Variants in MUC5AC observed in about 807,000 individuals in gnomAD.
MUC5AC encodes the protein mucin 5AC, oligomeric mucus/gel-forming, also known as mucin-5AC.
In MUC5AC, 158 loss-of-function variants were observed where a neutral mutation model predicts 169.7. That is an observed-to-expected ratio of 0.93 (90% CI 0.82 to 1.06). MUC5AC has a LOEUF of 1.06. Among genes scored for constraint, MUC5AC ranks in the 50% least tolerant of loss-of-function variants. The pLI is 0.00. For synonymous variants in MUC5AC, 1,975 were observed against 1,237.0 expected, an observed-to-expected ratio of 1.60 and a Z score of -12.52; for missense variants, 4,359 against 3,089.9, an observed-to-expected ratio of 1.41 and a Z score of -9.74.
At chr11:1,195,816 C>T (rs373418465) in intron 36 of MUC5AC, 60 bp from the exon 37 acceptor site, 24 of 735,190 alleles carry the variant, frequency 3.3e-5, no homozygotes, top group East Asian at 1.2e-4. Flanking sequence ...GGGAGCCTGA[C>T]GTGGAGCAGG....
In MUC5AC at chr11:1,168,522, C is replaced by T. The variant is rs765778851; in HGVS notation, c.1537C>T (p.Gln513Ter). 6.7e-7 allele frequency: 1 copy of T among 1,501,608 alleles called. No homozygotes were observed. Among genetic ancestry groups the T allele is most frequent in the Admixed American group, 1.9e-5 (1 of 51,808 alleles). The allele number at this position is 1,501,608 out of a possible 1,614,324, so 93.0% of individuals were successfully genotyped here. A position where few individuals can be genotyped will look rare whatever the true frequency, so the allele number is the denominator to read the frequency against. ...GGCCAGTGGGGAAGTGTTCCTGAACCAGATCTACACCCAGCTGCCCATCTC... is the reference window on the plus strand; with the variant it reads ...GGCCAGTGGGGAAGTGTTCCTGAACTAGATCTACACCCAGCTGCCCATCTC... ...IKASGEVFLN[Q>*]IYTQLPISAA... The change falls in exon 13 of 49, where the codon CAG becomes TAG. Residue 513 changes from glutamine to a stop codon, truncating the protein, a stop_gained. Coordinates refer to ENST00000621226, the MANE Select transcript of MUC5AC (RefSeq NM_001304359.2). LOFTEE classifies it high-confidence loss of function.
intron 15 of MUC5AC, among the ~76,000 whole-genome samples, chr11:1,170,833 T>TCATC (rs1860491499): frequency 7.2e-6 from 1 of 138,416 alleles, no homozygotes; most frequent in Non-Finnish European, 1.5e-5. Flanking sequence ...ATTCACCCAC[T>TCATC]CACTCACCCA....
Position 1,189,744 on chromosome 11 carries a change from C to G in MUC5AC, c.11599C>G (p.Pro3867Ala). The change falls in exon 31 of 49, where the codon CCT becomes GCT. Residue 3867 changes from proline (P) to alanine (A), a missense_variant. Physicochemically the swap from Pro to Ala is conservative, Grantham distance 27 (BLOSUM62 -1). Transcript: ENST00000621226. ...CCCTACAAGCAGCACAACCTCTGCT[C>G]CTACAGCCAGCACAATCTCTGCCCC... is the stretch of plus-strand genomic sequence containing the variant. ...SAPTSSTTSA[P>A]TASTISAPTT... The G allele has an allele frequency of 1.8e-6, 1 of 545,056 alleles. No individual in the cohort carries two copies. Among genetic ancestry groups the G allele is most frequent in the South Asian group, 1.9e-5 (1 of 53,722 alleles). The allele number at this position is 545,056 out of a possible 1,614,324, so 33.8% of individuals were successfully genotyped here.
rs1232574165 is a variant in MUC5AC, at chr11:1,191,180, C to A, written c.13035C>A (p.Pro4345=). 1 of 728,486 alleles carries A rather than the reference C, an allele frequency of 1.4e-6. No homozygotes were observed. Among genetic ancestry groups the A allele is most frequent in the South Asian group, 1.4e-5 (1 of 72,826 alleles). 45.1% of individuals were successfully genotyped at this position (728,486 alleles called of 1,614,324 possible). Reference sequence around the variant, plus strand: ...CAACCTCTGGTCCTGGAAGTACTCCCAGCCCTGTTCCCACCACCAGCACAA... The same window carrying A: ...CAACCTCTGGTCCTGGAAGTACTCCAAGCCCTGTTCCCACCACCAGCACAA... The part of the protein sequence containing the change: ...TSTTSGPGST[P]SPVPTTSTTS... The change falls in exon 31 of 49, where the codon CCC becomes CCA. Residue 4345 remains proline, a synonymous_variant. Transcript: ENST00000621226.
rs1166974340 is a variant in MUC5AC, at chr11:1,162,952, C to T, written c.589-3C>T. On this transcript the variant is annotated splice_polypyrimidine_tract_variant and splice_region_variant and intron_variant, in intron 5 of 48. Coordinates refer to ENST00000621226, the MANE Select transcript of MUC5AC (RefSeq NM_001304359.2). ...TGGGTGTCTGATGTCTCTCCCTTTG[C>T]AGCTGGAGCTGGACACCAAATACGC... 6.2e-7 allele frequency: 1 copy of T among 1,612,246 alleles called. No individual in the cohort carries two copies.
At chr11:1,198,827 C>T (rs1350570866) in intron 43 of MUC5AC, 47 bp from the exon 44 acceptor site, 1 of 695,770 alleles carries the variant, frequency 1.4e-6, no homozygotes, top group East Asian at 2.7e-5. Flanking sequence ...GGGCGGGTCT[C>T]CCCAGGGCCC....
Position 1,168,661 on chromosome 11 carries a change from A to T in MUC5AC, c.1587A>T (p.Arg529Ser). ...PISAANVTIF[R>S]PSTFFIIAQT... Reference sequence around the variant, plus strand: ...CCCCAGCCAACGTCACCATCTTCAGACCCTCAACCTTCTTCATCATCGCCC... The same window carrying T: ...CCCCAGCCAACGTCACCATCTTCAGTCCCTCAACCTTCTTCATCATCGCCC... The change falls in exon 14 of 49, where the codon AGA (arginine) becomes AGT (serine). Residue 529 changes from arginine to serine, a missense_variant. Physicochemically the swap from Arg to Ser is moderately radical, Grantham distance 110. Coordinates refer to ENST00000621226, the MANE Select transcript of MUC5AC (RefSeq NM_001304359.2). 1 of 1,610,114 alleles carries T rather than the reference A, an allele frequency of 6.2e-7. No homozygotes were observed. Among genetic ancestry groups the T allele is most frequent in the East Asian group, 2.2e-5 (1 of 44,820 alleles).
At position 1,200,507 on chromosome 11, in the gene MUC5AC, G is replaced by T. The variant is rs1477420610; in HGVS notation, c.16770G>T (p.Arg5590Ser). ...GCCAGGAGCTGCGGACCTCGCTGAG[G>T]AATGTGACCCTGCACTGCACCGACG... ...QCCQELRTSLRNVTLHCTDGS... is the reference protein window; with the variant it reads ...QCCQELRTSLSNVTLHCTDGS... Residue 5590 changes from arginine to serine, a missense_variant, in exon 49 of 49, where the codon AGG becomes AGT. By Grantham distance (110) the Arg-to-Ser change is moderately radical (BLOSUM62 -1). Transcript: ENST00000621226. 4.0e-6 allele frequency: 3 copies of T among 755,332 alleles called. No homozygotes were observed. Among genetic ancestry groups the T allele is most frequent in the Non-Finnish European group, 7.3e-6 (3 of 413,562 alleles). The allele number at this position is 755,332 out of a possible 1,614,324, so 46.8% of individuals were successfully genotyped here.
In MUC5AC at chr11:1,177,397, C is replaced by G. The variant is rs1051591992; in HGVS notation, c.2907+53C>G. On this transcript the variant is annotated intron_variant, in intron 23 of 48. Transcript: ENST00000621226. ...CTCCAGGAGGCTCCCATGGCAGCGT[C>G]TGGTCAGGTGGGCTGGGGTTCTTGC... 2.0e-5 allele frequency: 8 copies of G among 408,664 alleles called. No individual in the cohort carries two copies. In the South Asian group the frequency reaches 7.1e-4, roughly 36 times the overall value. 25.3% of individuals were successfully genotyped at this position (408,664 alleles called of 1,614,324 possible).
In MUC5AC at chr11:1,176,148, C is replaced by A; in HGVS notation, c.2402-3C>A. The A allele has an allele frequency of 5.0e-6, 2 of 398,738 alleles. No individual in the cohort carries two copies. The highest frequency in any genetic ancestry group is 8.8e-6 in the Non-Finnish European group (2 of 226,118). 24.7% of individuals were successfully genotyped at this position (398,738 alleles called of 1,614,324 possible). A position where few individuals can be genotyped will look rare whatever the true frequency, so the allele number is the denominator to read the frequency against. On this transcript the variant is annotated splice_region_variant and splice_polypyrimidine_tract_variant and intron_variant, in intron 19 of 48. Transcript: ENST00000621226. ...GGCCCCCTGACGGCCCCTCCCTCCC[C>A]AGTGTGTGCTGCGCCCATGGTGTTC...
chr11:1,174,716 G>A (rs952327293), intron 17 of MUC5AC, 94 bp downstream of exon 17: 106 of 572,096 alleles, frequency 1.9e-4, no homozygotes, highest in African/African-American at 1.7e-3. Context: ...AAGGGCCCCC[G>A]TCCTCTGTGC....
Position 1,192,309 on chromosome 11 carries a change from G to A in MUC5AC, c.14164G>A (p.Val4722Met), listed in dbSNP as rs756204247. The change falls in exon 31 of 49, where the codon GTG (valine) becomes ATG (methionine). Residue 4722 changes from valine (V) to methionine (M), a missense_variant. By Grantham distance (21) the Val-to-Met change is conservative. Coordinates refer to ENST00000621226, the MANE Select transcript of MUC5AC (RefSeq NM_001304359.2). ...GATGTGCCTCAACTACGAGGTGCGC[G>A]TGCTCTGCTGCGAGACCCCCAGAGG... The part of the protein sequence containing the change: ...FKMCLNYEVR[V>M]LCCETPRGCP... 1.3e-5 allele frequency: 10 copies of A among 765,104 alleles called. No individual in the cohort carries two copies. Among genetic ancestry groups the A allele is most frequent in the African/African-American group, 1.7e-5 (1 of 59,260 alleles). 47.4% of individuals were successfully genotyped at this position (765,104 alleles called of 1,614,324 possible).
intron 11 of MUC5AC, 112 bp from the exon 12 acceptor site, chr11:1,167,765 T>G: frequency 3.5e-6 from 3 of 862,824 alleles, no homozygotes; most frequent in Non-Finnish European, 5.5e-6. Context: ...ACTGGGATGG[T>G]GGAGTGGGGT....
chr11:1,179,568 G>A (rs1432756204), intron 26 of MUC5AC, among the ~76,000 whole-genome samples: 2 of 143,300 alleles, frequency 1.4e-5, no homozygotes, highest in Non-Finnish European at 3.1e-5. Flanking sequence ...CGTGGCTGAT[G>A]GAGGGGTCCC....
Position 1,185,669 on chromosome 11 carries a change from A to G in MUC5AC, c.7524A>G (p.Thr2508=), listed in dbSNP as rs1395269652. 3 of 740,530 alleles carry G rather than the reference A, an allele frequency of 4.1e-6. No homozygotes were observed. In the Admixed American group the frequency reaches 5.5e-5, roughly 14 times the overall value. The allele number at this position is 740,530 out of a possible 1,614,324, so 45.9% of individuals were successfully genotyped here. A position where few individuals can be genotyped will look rare whatever the true frequency, so the allele number is the denominator to read the frequency against. ...CAACCTCTTCTCCTACAACCAGCAC[A>G]ACCTCTGCTCCTACAACCAGCACAA... The part of the protein sequence containing the change: ...TSTTSSPTTS[T]TSAPTTSTTS... Residue 2508 remains threonine, a synonymous_variant, in exon 31 of 49, where the codon ACA becomes ACG. Coordinates refer to ENST00000621226, the MANE Select transcript of MUC5AC (RefSeq NM_001304359.2).
At chr11:1,165,784 C>T (rs1338182523) in intron 11 of MUC5AC, 24 bp downstream of exon 11, 1 of 1,610,210 alleles carries the variant, frequency 6.2e-7, no homozygotes, top group Non-Finnish European at 8.5e-7. Flanking sequence ...GCCTGGGGTG[C>T]TCGCCGGACA....
Position 1,168,970 on chromosome 11 carries a change from C to G in MUC5AC, c.1814C>G (p.Ala605Gly). The G allele has an allele frequency of 1.2e-6, 2 of 1,610,860 alleles. No individual in the cohort carries two copies. Among genetic ancestry groups the G allele is most frequent in the East Asian group, 4.5e-5 (2 of 44,866 alleles). Residue 605 changes from alanine (A) to glycine (G), a missense_variant, in exon 15 of 49, where the codon GCC becomes GGC. Coordinates refer to ENST00000621226, the MANE Select transcript of MUC5AC (RefSeq NM_001304359.2). ...TTCAACACCTTCAAGACCCAGGCCGCCTGCCCCAACATCAGGAACAGCTTC... is the reference window on the plus strand; with the variant it reads ...TTCAACACCTTCAAGACCCAGGCCGGCTGCCCCAACATCAGGAACAGCTTC... Reference protein sequence around the residue: ...AFFNTFKTQAACPNIRNSFED... With the variant: ...AFFNTFKTQAGCPNIRNSFED...
At chr11:1,168,440 G>A (rs777994888) in intron 12 of MUC5AC, 43 bp from the exon 13 acceptor site, 48 of 1,592,806 alleles carry the variant, frequency 3.0e-5, no homozygotes, top group South Asian at 4.5e-5. Flanking sequence ...CTGAGGTGCC[G>A]CAAGCCTGCC....
At chr11:1,169,647 TTCACTCACTCACCCAC>T (rs1860440459) in intron 15 of MUC5AC, among the ~76,000 whole-genome samples, 1 of 108,546 alleles carries the variant, frequency 9.2e-6, no homozygotes, top group African/African-American at 3.9e-5. Context: ...CATTCACCCA[TTCACTCACTCACCCAC>T]TCACCCACTC....
Sources: allele counts gnomAD v4.1 joint callset (sites outside exome capture counted in the v4.1 genomes callset), GRCh38; gene constraint gnomAD v4.1.1; transcripts MANE v1.5; gene names NCBI Gene and HGNC (gene_info 2026-07-23, HGNC 2026-07-21).